The following HP1BP3 variants were observed in gnomAD, a reference collection of about 807,000 sequenced individuals.
The protein encoded by HP1BP3 is heterochromatin protein 1-binding protein 3.
In HP1BP3, 12 loss-of-function variants were observed where a neutral mutation model predicts 62.5. The ratio of observed to expected loss-of-function variants is 0.19; its 90% CI spans 0.12 to 0.31. The LOEUF (loss-of-function observed/expected upper bound fraction) is 0.31. Ranked by LOEUF, HP1BP3 falls within the 10% of genes least tolerant of loss-of-function variation. The pLI is 1.00. For synonymous variants in HP1BP3, 260 were observed against 237.8 expected, an observed-to-expected ratio of 1.09 and a Z score of -0.86; for missense variants, 502 against 651.8, an observed-to-expected ratio of 0.77 and a Z score of 2.50.
In HP1BP3 at chr1:20,744,207, A is replaced by T. The variant is rs546162510; in HGVS notation, c.*590T>A. On this transcript the variant is annotated 3_prime_UTR_variant, in exon 13 of 13. Coordinates refer to ENST00000438032, the MANE Select transcript of HP1BP3 (RefSeq NM_001372052.1). The stretch of plus-strand genomic sequence containing the variant: ...ATGAAATGTAGCCCAAAGGAGTCAT[A>T]TATCTTCAAAATCTAATGAGATCAC... 3.3e-5 allele frequency: 5 copies of T among 152,798 alleles called. No individual in the cohort carries two copies. The highest frequency in any genetic ancestry group is 1.2e-4 in the African/African-American group (5 of 41,522). 9.5% of individuals were successfully genotyped at this position (152,798 alleles called of 1,614,324 possible).
intron 9 of HP1BP3, among the ~76,000 whole-genome samples, chr1:20,752,132 T>C (rs2055800999): frequency 6.6e-6 from 1 of 151,782 alleles, no homozygotes; most frequent in Non-Finnish European, 1.5e-5. Context: ...TGGTGGTGCA[T>C]GCCTGTAATC....
intron 8 of HP1BP3, among the ~76,000 whole-genome samples, chr1:20,760,058 T>A (rs773011317): frequency 1.3e-4 from 20 of 151,960 alleles, no homozygotes; most frequent in Non-Finnish European, 2.5e-4. Flanking sequence ...CCGGCTAATT[T>A]TTGTATGCTT....
intron 11 of HP1BP3, 75 bp from the exon 12 acceptor site, chr1:20,745,731 T>A (rs2055276846): frequency 6.8e-7 from 1 of 1,467,098 alleles, no homozygotes; most frequent in Non-Finnish European, 9.4e-7. Context: ...TAGATGCTCT[T>A]ACCTGGACAT....
In HP1BP3 at chr1:20,767,777, A is replaced by AG. The variant is rs1013788293; in HGVS notation, c.655-114dup. 4.3e-5 allele frequency: 27 copies of AG among 633,484 alleles called. No homozygotes were observed. In the Admixed American group the frequency reaches 7.6e-4, roughly 18 times the overall value. The allele number at this position is 633,484 out of a possible 1,614,324, so 39.2% of individuals were successfully genotyped here. A position where few individuals can be genotyped will look rare whatever the true frequency, so the allele number is the denominator to read the frequency against. On this transcript the variant is annotated intron_variant, in intron 6 of 12. Transcript: ENST00000438032. ...TGTAAAGTGGTGTTTACTTCTTCAGAGAAAAAAAAAAAAACAGTCAATGCA... is the reference window on the plus strand; with the variant it reads ...TGTAAAGTGGTGTTTACTTCTTCAGAGGAAAAAAAAAAAAACAGTCAATGCA...
rs762831017 is a variant in HP1BP3, at chr1:20,773,628, GTTA to G, written c.351-21_351-19del. The G allele has an allele frequency of 1.0e-4, 155 of 1,524,980 alleles. No homozygotes were observed. Among genetic ancestry groups the G allele is most frequent in the Non-Finnish European group, 1.3e-4 (147 of 1,123,082 alleles). 94.5% of individuals were successfully genotyped at this position (1,524,980 alleles called of 1,614,324 possible). The stretch of plus-strand genomic sequence containing the variant: ...CTTTCTCACTTTAAAACAAAGAATT[GTTA>G]TTATAGAAGATAAGCTCTCTAGAAA... On this transcript the variant is annotated intron_variant, in intron 4 of 12. Transcript: ENST00000438032.
At chr1:20,773,035 T>C (rs1007048340) in intron 5 of HP1BP3, among the ~76,000 whole-genome samples, 8 of 152,182 alleles carry the variant, frequency 5.3e-5, no homozygotes, top group African/African-American at 1.9e-4. Context: ...AAATTCTCAA[T>C]ATTTTTCAGT....
intron 12 of HP1BP3, 51 bp downstream of exon 12, chr1:20,745,492 G>C (rs1557631896): frequency 6.3e-7 from 1 of 1,593,574 alleles, no homozygotes; most frequent in Non-Finnish European, 8.5e-7. Context: ...CTATTTTTCA[G>C]CTCTGAGGTA....
intron 3 of HP1BP3, among the ~76,000 whole-genome samples, chr1:20,778,408 C>G (rs554670263): frequency 1.3e-5 from 2 of 152,298 alleles, no homozygotes; most frequent in South Asian, 4.1e-4. Context: ...TGTGAAGTGA[C>G]ACTGTTTCTT....
intron 10 of HP1BP3, 90 bp downstream of exon 10, chr1:20,749,633 A>C: frequency 7.9e-7 from 1 of 1,270,110 alleles, no homozygotes; most frequent in South Asian, 1.4e-5. Flanking sequence ...TGCTGGGATT[A>C]CAGGCGTGAG....
intron 1 of HP1BP3, 46 bp from the exon 2 acceptor site, chr1:20,780,586 C>A: frequency 3.3e-6 from 2 of 600,976 alleles, no homozygotes; most frequent in Non-Finnish European, 6.0e-6. Flanking sequence ...AGAAACAAAA[C>A]TAAACTAAAA....
At position 20,779,841 on chromosome 1, in the gene HP1BP3, T is replaced by C. The variant is rs771841842; in HGVS notation, c.167A>G (p.Lys56Arg). Residue 56 changes from lysine (K) to arginine (R), a missense_variant, in exon 3 of 13, where the codon AAG (lysine) becomes AGG (arginine). Lys to Arg is a conservative substitution (Grantham distance 26). This residue lies in a region of HP1BP3 where 165 missense variants were observed against 156.4 expected (regional missense o/e 1.05). Coordinates refer to ENST00000438032, the MANE Select transcript of HP1BP3 (RefSeq NM_001372052.1). ...CTTTTCTTCCTCCCCTTCAGCAAGC[T>C]TGCTTTTGGGAGGAGTTTCCCGGGT... ...NSTRETPPKSKLAEGEEEKPE... is the reference protein window; with the variant it reads ...NSTRETPPKSRLAEGEEEKPE... 2.5e-6 allele frequency: 4 copies of C among 1,613,372 alleles called. No homozygotes were observed. The highest frequency in any genetic ancestry group is 1.6e-4 in the Middle Eastern group (1 of 6,062).
chr1:20,780,016 C>T (rs1392944834), intron 2 of HP1BP3, 105 bp from the exon 3 acceptor site: 15 of 795,678 alleles, frequency 1.9e-5, no homozygotes, highest in African/African-American at 5.2e-5. Context: ...TTCTTCAAGT[C>T]GACTCCAGGA....
intron 8 of HP1BP3, among the ~76,000 whole-genome samples, chr1:20,758,711 C>T (rs34530426): frequency 0.45 from 66,560 of 149,332 alleles, 15,093 homozygotes; most frequent in African/African-American, 0.46. Context: ...AGTGGTATGA[C>T]CATGGCTCAC....
intron 6 of HP1BP3, among the ~76,000 whole-genome samples, chr1:20,770,134 C>G (rs931169270): frequency 2.0e-5 from 3 of 152,156 alleles, no homozygotes; most frequent in African/African-American, 7.2e-5. Flanking sequence ...TGCCTGAAAT[C>G]AACATTTGTT....
intron 8 of HP1BP3, among the ~76,000 whole-genome samples, chr1:20,760,438 G>A (rs1431898675): frequency 6.6e-6 from 1 of 152,120 alleles, no homozygotes. Flanking sequence ...CTACTTTTGA[G>A]GCCACAGTGG....
chr1:20,781,564 A>G (rs2057549168), intron 1 of HP1BP3, among the ~76,000 whole-genome samples: 1 of 152,260 alleles, frequency 6.6e-6, no homozygotes, highest in Non-Finnish European at 1.5e-5. Context: ...CAGTCAGCTG[A>G]AAGAATTCAG....
rs763714638 is a variant in HP1BP3 at position 20,773,431 on chromosome 1, T to G, written c.510+20A>C. On this transcript the variant is annotated intron_variant, in intron 5 of 12. Transcript: ENST00000438032. ...TGAACATAATAAATCTAAGATGAAT[T>G]GCTTGAAATAAAAACTTGCCTTAAT... is the stretch of plus-strand genomic sequence containing the variant. 1 of 1,581,282 alleles carries G rather than the reference T, an allele frequency of 6.3e-7. No homozygotes were observed. The highest frequency in any genetic ancestry group is 1.8e-5 in the Admixed American group (1 of 55,648).
chr1:20,775,639 G>A (rs951013741), intron 4 of HP1BP3: 2 of 191,182 alleles, frequency 1.0e-5, no homozygotes, highest in Admixed American at 6.1e-5. Context: ...TTCATGGTAG[G>A]TGTCCTACAC....
chr1:20,781,389 A>C (rs2154541545), intron 1 of HP1BP3, among the ~76,000 whole-genome samples: 1 of 152,374 alleles, frequency 6.6e-6, no homozygotes, highest in East Asian at 1.9e-4. Context: ...AGAATTGAAG[A>C]GCTTTCAACT....
Sources: gnomAD v4.1 joint callset for allele counts (sites outside exome capture counted in the v4.1 genomes callset) on GRCh38, gnomAD v4.1.1 for gene constraint, gnomAD v4.1.1 regional missense constraint, MANE v1.5 for transcripts, NCBI Gene and HGNC (gene_info 2026-07-23, HGNC 2026-07-21) for gene names.